ROBO2: variants seen among roughly 807,000 people sequenced by gnomAD.
ROBO2 encodes the protein roundabout homolog 2.
Under a neutral mutation model 160.8 loss-of-function variants are expected in ROBO2, and 53 were observed. That is an observed-to-expected ratio of 0.33 (90% confidence interval 0.26 to 0.41). The LOEUF (loss-of-function observed/expected upper bound fraction) is 0.41. Among genes scored for constraint, ROBO2 ranks in the 10% least tolerant of loss-of-function variants. The pLI, the probability that ROBO2 is intolerant of heterozygous loss-of-function variation, is 1.00. For synonymous variants in ROBO2, 664 were observed against 611.7 expected, an observed-to-expected ratio of 1.09 and a Z score of -1.26; for missense variants, 1,577 against 1,722.4, an observed-to-expected ratio of 0.92 and a Z score of 1.49.
At chr3:77,125,083 A>G (rs371318929) in intron 2 of ROBO2, among the ~76,000 whole-genome samples, 2 of 152,308 alleles carry the variant, frequency 1.3e-5, no homozygotes, top group East Asian at 3.9e-4. Flanking sequence ...ATATAATTTA[A>G]ATAATGGCAT....
intron 2 of ROBO2, among the ~76,000 whole-genome samples, chr3:77,341,232 A>AAGG (rs975941396): frequency 2.0e-5 from 3 of 152,112 alleles, no homozygotes; most frequent in African/African-American, 4.8e-5. Context: ...CTAGCATATA[A>AAGG]GAGGTTAATT....
chr3:76,865,878 T>C (rs2071318119), intron 2 of ROBO2, among the ~76,000 whole-genome samples: 1 of 152,134 alleles, frequency 6.6e-6, no homozygotes. Context: ...GGTAGAATTT[T>C]AGGATCAATT....
At chr3:75,909,131 T>C (rs1946462299) in intron 1 of ROBO2, among the ~76,000 whole-genome samples, 1 of 152,238 alleles carries the variant, frequency 6.6e-6, no homozygotes. Context: ...TATTGATAAG[T>C]ACTTTGGTGT....
chr3:77,066,464 A>T (rs1380400360), intron 1 of ROBO2, among the ~76,000 whole-genome samples: 1 of 152,154 alleles, frequency 6.6e-6, no homozygotes, highest in Non-Finnish European at 1.5e-5. Context: ...ATTATAGTCT[A>T]ATCATATAAT....
At chr3:77,147,056 T>C (rs1477733634) in intron 2 of ROBO2, among the ~76,000 whole-genome samples, 1 of 152,218 alleles carries the variant, frequency 6.6e-6, no homozygotes, top group East Asian at 1.9e-4. Context: ...ATATGCAATA[T>C]GCACCTGTTT....
chr3:77,253,549 CA>C (rs1223944862), intron 2 of ROBO2, among the ~76,000 whole-genome samples: 4 of 152,082 alleles, frequency 2.6e-5, no homozygotes, highest in Non-Finnish European at 5.9e-5. Context: ...CAATGTGAAA[CA>C]AAGTTTTCCC....
At chr3:76,765,987 C>A (rs2061559507) in intron 2 of ROBO2, among the ~76,000 whole-genome samples, 1 of 151,674 alleles carries the variant, frequency 6.6e-6, no homozygotes, top group Admixed American at 6.6e-5. Context: ...ACCTACTCTT[C>A]CTTTTTAGAT....
intron 2 of ROBO2, among the ~76,000 whole-genome samples, chr3:76,415,374 T>C (rs1396101496): frequency 6.6e-6 from 1 of 152,226 alleles, no homozygotes; most frequent in Admixed American, 6.5e-5. Flanking sequence ...AGGCTAGATA[T>C]CACAGTGACT....
chr3:77,449,806 G>T (rs913272602), intron 2 of ROBO2, among the ~76,000 whole-genome samples: 2 of 152,038 alleles, frequency 1.3e-5, no homozygotes, highest in African/African-American at 4.8e-5. Flanking sequence ...AGCAAAGTCA[G>T]ATCTCAAAAG....
intron 22 of ROBO2, among the ~76,000 whole-genome samples, chr3:77,618,484 A>G (rs967887027): frequency 2.6e-5 from 4 of 152,140 alleles, no homozygotes; most frequent in African/African-American, 9.7e-5. Context: ...GATTTTTGTT[A>G]TTCAATCTTT....
At position 77,617,603 on chromosome 3, in the gene ROBO2, G is replaced by T. The variant is rs202001765; in HGVS notation, c.3384G>T (p.Arg1128Ser). The T allele has an allele frequency of 6.2e-7, 1 of 1,613,954 alleles. No homozygotes were observed. Among genetic ancestry groups the T allele is most frequent in the Non-Finnish European group, 8.5e-7 (1 of 1,180,014 alleles). ...ATGAACTGGAAGAAGATGATGATAG[G>T]GTCCCAACACCTCCTGTTCGAGGCG... is the stretch of plus-strand genomic sequence containing the variant. The change falls in exon 22 of 26, where the codon AGG becomes AGT. Residue 1128 changes from arginine (R) to serine (S), a missense_variant. This residue lies in a region of ROBO2 where 637 missense variants were observed against 586.9 expected (regional missense o/e 1.09). Transcript: ENST00000461745.
chr3:77,195,150 G>A (rs1266876162), intron 2 of ROBO2, among the ~76,000 whole-genome samples: 1 of 152,024 alleles, frequency 6.6e-6, no homozygotes, highest in Admixed American at 6.6e-5. Context: ...TAAATAGGAC[G>A]CTATACAGAG....
chr3:76,075,296 A>G (rs970157907), intron 2 of ROBO2, among the ~76,000 whole-genome samples: 2 of 151,978 alleles, frequency 1.3e-5, no homozygotes, highest in Non-Finnish European at 2.9e-5. Flanking sequence ...CCTTATTACC[A>G]GGAAAGCAAG....
chr3:77,414,809 T>G (rs2077080757), intron 2 of ROBO2, among the ~76,000 whole-genome samples: 1 of 152,350 alleles, frequency 6.6e-6, no homozygotes, highest in Admixed American at 6.5e-5. Context: ...AACAATGAAT[T>G]ATGCTGAAAG....
chr3:77,196,902 CA>C (rs1406442760), intron 2 of ROBO2, among the ~76,000 whole-genome samples: 1 of 145,818 alleles, frequency 6.9e-6, no homozygotes, highest in Admixed American at 6.9e-5. Context: ...CCTAATATAT[CA>C]AAAAAGGGCA....
chr3:76,258,242 C>A (rs1706528660), intron 2 of ROBO2, among the ~76,000 whole-genome samples: 1 of 151,608 alleles, frequency 6.6e-6, no homozygotes, highest in South Asian at 2.1e-4. Flanking sequence ...TTTTAATATT[C>A]TTTAATCTGT....
At chr3:76,823,517 G>A (rs1036526970) in intron 2 of ROBO2, among the ~76,000 whole-genome samples, 3 of 152,208 alleles carry the variant, frequency 2.0e-5, no homozygotes, top group South Asian at 2.1e-4. Context: ...TTGATATTTG[G>A]CCTGTGCTTT....
intron 2 of ROBO2, among the ~76,000 whole-genome samples, chr3:76,790,250 T>C (rs1160087923): frequency 6.6e-6 from 1 of 151,624 alleles, no homozygotes; most frequent in African/African-American, 2.4e-5. Context: ...TCTTGGTAAC[T>C]TGGATTTCTG....
intron 2 of ROBO2, among the ~76,000 whole-genome samples, chr3:76,019,695 A>G (rs901908219): frequency 6.6e-6 from 1 of 151,152 alleles, no homozygotes; most frequent in Non-Finnish European, 1.5e-5. Flanking sequence ...TATTTTCATT[A>G]TGGCCTCCCA....
Sources: gnomAD v4.1 joint callset for allele counts (sites outside exome capture counted in the v4.1 genomes callset) on GRCh38, gnomAD v4.1.1 for gene constraint, gnomAD v4.1.1 regional missense constraint, MANE v1.5 for transcripts, NCBI Gene and HGNC (gene_info 2026-07-23, HGNC 2026-07-21) for gene names.